ADAMTS3: variants seen among roughly 807,000 people sequenced by gnomAD.
ADAMTS3 encodes ADAM metallopeptidase with thrombospondin type 1 motif 3, also known as A disintegrin and metalloproteinase with thrombospondin motifs 3.
ADAMTS3 carries 73 observed loss-of-function variants against 129.0 expected under a neutral mutation model. That is an observed-to-expected ratio of 0.57 (90% CI 0.47 to 0.69). The LOEUF is 0.69. Ranked by LOEUF, ADAMTS3 falls within the 30% of genes least tolerant of loss-of-function variation. The pLI is 0.00. For missense variants in ADAMTS3, 1,457 were observed against 1,514.5 expected (o/e 0.96, Z 0.63); for synonymous variants, 477 against 510.8 (o/e 0.93, Z 0.89).
At chr4:72,462,344 T>A (rs764675087) in intron 3 of ADAMTS3, among the ~76,000 whole-genome samples, 7 of 152,000 alleles carry the variant, frequency 4.6e-5, no homozygotes, top group Non-Finnish European at 7.4e-5. Flanking sequence ...TATACTTGCT[T>A]CGTTTTTGTG....
chr4:72,518,827 G>T (rs1720572950), intron 3 of ADAMTS3, among the ~76,000 whole-genome samples: 1 of 150,774 alleles, frequency 6.6e-6, no homozygotes, highest in African/African-American at 2.4e-5. Flanking sequence ...GGAGCATTTA[G>T]TCCATTTACA....
chr4:72,526,861 G>GGTATGACCACT (rs149208993), intron 3 of ADAMTS3, among the ~76,000 whole-genome samples: 46,849 of 146,648 alleles, frequency 0.32, 7,595 homozygotes, highest in Middle Eastern at 0.35. Context: ...TCAAATATTA[G>GGTATGACCACT]GTGAACAAGG....
intron 5 of ADAMTS3, among the ~76,000 whole-genome samples, chr4:72,324,115 C>A (rs1396104721): frequency 6.6e-6 from 1 of 152,150 alleles, no homozygotes; most frequent in African/African-American, 2.4e-5. Flanking sequence ...AAACTAACTG[C>A]AACTCAGCTT....
intron 16 of ADAMTS3, among the ~76,000 whole-genome samples, chr4:72,305,223 A>G (rs1719051181): frequency 6.6e-6 from 1 of 152,046 alleles, no homozygotes; most frequent in Non-Finnish European, 1.5e-5. Context: ...ATCGTCTCAT[A>G]AAAGAAAAAA....
rs553321625 is a variant in ADAMTS3 at position 72,397,605 on chromosome 4, A to G, written c.661+17210T>C. Among the ~76,000 whole-genome samples the G allele has an allele frequency of 3.9e-4, 59 of 152,194 alleles. No individual in the cohort carries two copies. The South Asian group carries it at 0.012, about 30-fold the overall frequency. On this transcript the variant is annotated intron_variant, in intron 4 of 21. Coordinates refer to ENST00000286657, the MANE Select transcript of ADAMTS3 (RefSeq NM_014243.3). ...CACACACACACAAAGAAAGAAAAGT[A>G]TATCAACTATAGTTTTGGCTGTCGT...
At chr4:72,443,338 C>A (rs1332624742) in intron 3 of ADAMTS3, among the ~76,000 whole-genome samples, 24 of 151,578 alleles carry the variant, frequency 1.6e-4, no homozygotes, top group Admixed American at 1.5e-3. Flanking sequence ...ATATTGAGAG[C>A]CTACCACCTG....
At position 72,283,495 on chromosome 4, in the gene ADAMTS3, T is replaced by A; in HGVS notation, c.3259A>T (p.Thr1087Ser). ...SDLPRSLVMP[T>S]SLVPYHSETP... is the part of the protein sequence containing the mutation. ...TCTGAATGATAAGGAACCAAAGATG[T>A]AGGCATCACTAGAGATCTAGGGAGG... The change falls in exon 22 of 22, where the codon ACA becomes TCA. Residue 1087 changes from threonine to serine, a missense_variant. Thr to Ser is a moderately conservative substitution (Grantham distance 58, BLOSUM62 1). Transcript: ENST00000286657. 1.2e-6 allele frequency: 2 copies of A among 1,614,056 alleles called. No individual in the cohort carries two copies. The highest frequency in any genetic ancestry group is 1.7e-6 in the Non-Finnish European group (2 of 1,179,972).
At chr4:72,367,795 G>A (rs1357549735) in intron 4 of ADAMTS3, among the ~76,000 whole-genome samples, 3 of 151,550 alleles carry the variant, frequency 2.0e-5, no homozygotes, top group Non-Finnish European at 4.4e-5. Context: ...GCTTGCAGTG[G>A]GCGGAGATGG....
chr4:72,283,044 A>C lies in ADAMTS3; in HGVS notation c.*92T>G. ...CAGATAAAATGAGCTGACGATCTAT[A>C]GAGATTTCCACTTTAAACAAGCATA... is the stretch of plus-strand genomic sequence containing the variant. On this transcript the variant is annotated 3_prime_UTR_variant, in exon 22 of 22. Coordinates refer to ENST00000286657, the MANE Select transcript of ADAMTS3 (RefSeq NM_014243.3). 1.5e-4 allele frequency: 164 copies of C among 1,092,104 alleles called. No individual in the cohort carries two copies. Among genetic ancestry groups the C allele is most frequent in the Non-Finnish European group, 2.0e-4 (148 of 752,648 alleles). 67.7% of individuals were successfully genotyped at this position (1,092,104 alleles called of 1,614,324 possible).
intron 3 of ADAMTS3, among the ~76,000 whole-genome samples, chr4:72,427,927 G>T (rs114332787): frequency 6.6e-6 from 1 of 151,976 alleles, no homozygotes; most frequent in Non-Finnish European, 1.5e-5. Context: ...AAATGTTAAC[G>T]TACAGAAAAG....
chr4:72,566,333 G>C (rs914492437), intron 2 of ADAMTS3, among the ~76,000 whole-genome samples: 1 of 152,174 alleles, frequency 6.6e-6, no homozygotes, highest in African/African-American at 2.4e-5. Context: ...ATAACAGGTA[G>C]CTATGCAACC....
At chr4:72,312,097 T>C (rs982374099) in intron 13 of ADAMTS3, 194 bp downstream of exon 13, 10 of 554,898 alleles carry the variant, frequency 1.8e-5, no homozygotes, top group East Asian at 1.1e-4. Flanking sequence ...CCAGGAACTA[T>C]TGCACCATTC....
chr4:72,547,966 T>A (rs566108627), intron 3 of ADAMTS3, among the ~76,000 whole-genome samples: 37 of 152,282 alleles, frequency 2.4e-4, no homozygotes, highest in African/African-American at 8.9e-4. Context: ...AAGTACTGCA[T>A]CTTGCATTCA....
At chr4:72,363,312 T>A (rs929377861) in intron 4 of ADAMTS3, among the ~76,000 whole-genome samples, 8 of 152,100 alleles carry the variant, frequency 5.3e-5, no homozygotes, top group South Asian at 2.1e-4. Flanking sequence ...TTGAAACGGA[T>A]GAAACGTTTG....
chr4:72,451,094 CA>C, intron 3 of ADAMTS3, among the ~76,000 whole-genome samples: 1 of 151,658 alleles, frequency 6.6e-6, no homozygotes, highest in South Asian at 2.1e-4. Context: ...AGACTGCAGA[CA>C]AGTAAAAGGA....
intron 21 of ADAMTS3, among the ~76,000 whole-genome samples, chr4:72,288,051 A>G (rs1016939791): frequency 2.6e-5 from 4 of 152,116 alleles, no homozygotes; most frequent in African/African-American, 9.7e-5. Context: ...TTTTTAGTAG[A>G]GACAGGGTTT....
chr4:72,410,040 GC>G, intron 4 of ADAMTS3, among the ~76,000 whole-genome samples: 1 of 152,112 alleles, frequency 6.6e-6, no homozygotes, highest in African/African-American at 2.4e-5. Context: ...AAAAATGTCT[GC>G]TGAAATTAAT....
At chr4:72,407,241 T>C (rs1278612461) in intron 4 of ADAMTS3, among the ~76,000 whole-genome samples, 1 of 152,058 alleles carries the variant, frequency 6.6e-6, no homozygotes, top group East Asian at 1.9e-4. Flanking sequence ...TTTCCCTATA[T>C]GTTATCCAAA....
chr4:72,284,261 G>A (rs1299744608), intron 21 of ADAMTS3, among the ~76,000 whole-genome samples: 1 of 152,020 alleles, frequency 6.6e-6, no homozygotes, highest in Non-Finnish European at 1.5e-5. Context: ...GGCTAACACA[G>A]TGAAAAGCCG....
Sources: gnomAD v4.1 joint callset for allele counts (sites outside exome capture counted in the v4.1 genomes callset) on GRCh38, gnomAD v4.1.1 for gene constraint, MANE v1.5 for transcripts, NCBI Gene and HGNC (gene_info 2026-07-23, HGNC 2026-07-21) for gene names.